Variants in PTPRD observed in about 807,000 individuals in gnomAD.
The protein encoded by PTPRD is protein tyrosine phosphatase receptor type D.
Under a neutral mutation model 214.5 loss-of-function variants are expected in PTPRD, and 34 were observed. The ratio of observed to expected loss-of-function variants is 0.16; its 90% confidence interval spans 0.12 to 0.21. The LOEUF (loss-of-function observed/expected upper bound fraction) is 0.21. PTPRD is among the 10% of genes least tolerant of loss of function. The probability of loss-of-function intolerance (pLI) is 1.00; values close to 1 mark genes in which losing one functional copy is unlikely to be tolerated. For synonymous variants in PTPRD, 1,128 were observed against 845.7 expected (o/e 1.33, Z -5.79); for missense variants, 2,545 against 2,398.7 (o/e 1.06, Z -1.27).
At chr9:9,736,574 G>C (rs1188254112) in intron 6 of PTPRD, among the ~76,000 whole-genome samples, 2 of 151,920 alleles carry the variant, frequency 1.3e-5, no homozygotes, top group African/African-American at 4.8e-5. Flanking sequence ...ATAGTGTTAC[G>C]AGAATTGCCA....
chr9:9,255,593 T>A lies in PTPRD; in HGVS notation c.-202-72230A>T, dbSNP rs146692689. 1.0e-3 allele frequency among the ~76,000 whole-genome samples: 153 copies of A among 152,164 alleles called. 1 individual carries two copies. The East Asian group carries it at 0.017, about 17-fold the overall frequency. On this transcript the variant is annotated intron_variant, in intron 9 of 45. Coordinates refer to ENST00000381196, the MANE Select transcript of PTPRD (RefSeq NM_002839.4). ...GTGATTACATAAGTGTAATAGTTTG[T>A]TCACACTCCCTCTCAGCACTTATAG...
intron 3 of PTPRD, among the ~76,000 whole-genome samples, chr9:10,070,806 T>A (rs1252285503): frequency 6.6e-6 from 1 of 151,946 alleles, no homozygotes; most frequent in Non-Finnish European, 1.5e-5. Flanking sequence ...ATCATATATA[T>A]TACAGTTAAT....
chr9:9,575,490 G>T (rs2154305049), intron 7 of PTPRD, among the ~76,000 whole-genome samples: 1 of 151,972 alleles, frequency 6.6e-6, no homozygotes, highest in South Asian at 2.1e-4. Flanking sequence ...GGAGGCCGAG[G>T]TGGGTAGATC....
chr9:9,760,599 TACACACACACACACACACACACAC>T (rs146209140), intron 6 of PTPRD, among the ~76,000 whole-genome samples: 1,982 of 107,888 alleles, frequency 0.018, 50 homozygotes, highest in African/African-American at 0.065. Flanking sequence ...TCAGCTATCA[TACACACACACACACACACACACAC>T]ACACACACAC....
At chr9:10,078,774 C>T (rs1448780710) in intron 3 of PTPRD, among the ~76,000 whole-genome samples, 1 of 152,028 alleles carries the variant, frequency 6.6e-6, no homozygotes, top group Non-Finnish European at 1.5e-5. Context: ...CCTATTCTTT[C>T]TTCTGTGAAA....
chr9:8,353,941 T>TGTATATATGTATATATGTGTGTGTAC (rs2076303976), intron 39 of PTPRD, among the ~76,000 whole-genome samples: 1 of 13,234 alleles, frequency 7.6e-5, no homozygotes, highest in African/African-American at 1.2e-4. Context: ...TGTGTACATA[T>TGTATATATGTATATATGTGTGTGTAC]ATATATATAT....
intron 2 of PTPRD, among the ~76,000 whole-genome samples, chr9:10,443,622 C>G (rs1247136121): frequency 6.6e-6 from 1 of 150,942 alleles, no homozygotes; most frequent in Non-Finnish European, 1.5e-5. Flanking sequence ...GATTTTTTTT[C>G]TTTGCGTGGA....
chr9:9,639,222 T>A (rs527788168), intron 7 of PTPRD, among the ~76,000 whole-genome samples: 91 of 152,314 alleles, frequency 6.0e-4, no homozygotes, highest in African/African-American at 2.2e-3. Context: ...CAGTCTTAGA[T>A]CCTAAGCTCC....
chr9:8,600,645 A>G (rs1485617747), intron 14 of PTPRD, among the ~76,000 whole-genome samples: 2 of 151,868 alleles, frequency 1.3e-5, no homozygotes, highest in Non-Finnish European at 2.9e-5. Context: ...TGATATTTCT[A>G]GACACATCTT....
chr9:10,243,643 A>G (rs1262934012), intron 3 of PTPRD, among the ~76,000 whole-genome samples: 1 of 152,114 alleles, frequency 6.6e-6, no homozygotes, highest in South Asian at 2.1e-4. Flanking sequence ...AGAGATATGT[A>G]TATTTTCTTC....
intron 3 of PTPRD, among the ~76,000 whole-genome samples, chr9:10,108,670 A>G (rs1033070236): frequency 6.6e-6 from 1 of 152,068 alleles, no homozygotes; most frequent in African/African-American, 2.4e-5. Flanking sequence ...GCACTCTCAT[A>G]TTTACTGCAG....
intron 10 of PTPRD, among the ~76,000 whole-genome samples, chr9:9,072,026 C>A (rs1407932307): frequency 6.6e-6 from 1 of 152,018 alleles, no homozygotes; most frequent in African/African-American, 2.4e-5. Context: ...CCTGCCAGAC[C>A]GAAGAAGTGA....
chr9:9,337,086 T>G (rs951157596), intron 9 of PTPRD, among the ~76,000 whole-genome samples: 1 of 152,166 alleles, frequency 6.6e-6, no homozygotes, highest in Non-Finnish European at 1.5e-5. Flanking sequence ...AGGGGGTCAA[T>G]GGGCTGTACT....
At chr9:8,677,172 G>A (rs1198670637) in intron 12 of PTPRD, among the ~76,000 whole-genome samples, 1 of 152,072 alleles carries the variant, frequency 6.6e-6, no homozygotes, top group African/African-American at 2.4e-5. Flanking sequence ...TTTCTAAACT[G>A]GAAATCTCAA....
Position 8,581,309 on chromosome 9 carries a change from T to C in PTPRD, c.352+52008A>G, listed in dbSNP as rs187561078. 2.1e-3 allele frequency among the ~76,000 whole-genome samples: 322 copies of C among 152,214 alleles called. 4 individuals are homozygous for C. The highest frequency in any genetic ancestry group is 3.3e-3 in the Non-Finnish European group (222 of 68,010). On this transcript the variant is annotated intron_variant, in intron 14 of 45. Transcript: ENST00000381196. ...AATTAGCAATAGGTAAAAATAGAAA[T>C]TGGTGAAATACAAAAACAAAGAAAA...
chr9:9,706,856 T>G (rs565204924), intron 7 of PTPRD, among the ~76,000 whole-genome samples: 8 of 152,144 alleles, frequency 5.3e-5, no homozygotes, highest in Non-Finnish European at 1.2e-4. Context: ...AGGTAGGTAG[T>G]GCTGCTGGAG....
At chr9:10,361,792 C>A (rs2154471144) in intron 2 of PTPRD, among the ~76,000 whole-genome samples, 1 of 152,064 alleles carries the variant, frequency 6.6e-6, no homozygotes, top group Non-Finnish European at 1.5e-5. Flanking sequence ...GATAAGGAAC[C>A]AAGGTAAGCA....
intron 2 of PTPRD, among the ~76,000 whole-genome samples, chr9:10,482,358 A>T (rs181433792): frequency 3.9e-5 from 6 of 151,988 alleles, no homozygotes; most frequent in Non-Finnish European, 7.4e-5. Flanking sequence ...GCGACAGAGC[A>T]AGACTCCGTT....
chr9:9,554,707 G>A (rs867923532), intron 8 of PTPRD, among the ~76,000 whole-genome samples: 1 of 151,830 alleles, frequency 6.6e-6, no homozygotes, highest in Non-Finnish European at 1.5e-5. Context: ...ATCTCTACAC[G>A]GATACTGAGA....
Sources: allele counts gnomAD v4.1 joint callset (sites outside exome capture counted in the v4.1 genomes callset), GRCh38; gene constraint gnomAD v4.1.1; transcripts MANE v1.5; gene names NCBI Gene and HGNC (gene_info 2026-07-23, HGNC 2026-07-21).